The following COL21A1 variants were observed in gnomAD, a reference collection of about 807,000 sequenced individuals.
COL21A1 encodes collagen type XXI alpha 1 chain, also known as collagen alpha-1(XXI) chain.
In COL21A1, 149 loss-of-function variants were observed where a neutral mutation model predicts 137.9. That is an observed-to-expected ratio of 1.08 (90% CI 0.95 to 1.24). The LOEUF is 1.24. COL21A1 is among the 50% of genes most tolerant of loss of function. The probability of loss-of-function intolerance (pLI) is 0.00; values close to 1 mark genes in which losing one functional copy is unlikely to be tolerated. For synonymous variants in COL21A1, 456 were observed against 391.5 expected, an observed-to-expected ratio of 1.16 and a Z score of -1.95; for missense variants, 1,167 against 1,158.4, an observed-to-expected ratio of 1.01 and a Z score of -0.11.
At chr6:56,205,375 A>C (rs1779697773) in intron 1 of COL21A1, among the ~76,000 whole-genome samples, 1 of 152,168 alleles carries the variant, frequency 6.6e-6, no homozygotes, top group Non-Finnish European at 1.5e-5. Flanking sequence ...AAGAGGAAGA[A>C]AGGATATCAG....
At chr6:56,218,928 G>A (rs953993025) in intron 1 of COL21A1, among the ~76,000 whole-genome samples, 4 of 152,030 alleles carry the variant, frequency 2.6e-5, no homozygotes, top group African/African-American at 9.7e-5. Flanking sequence ...TACATGAGAA[G>A]TTGCTGAAGA....
At chr6:56,208,081 T>C (rs1779909930) in intron 1 of COL21A1, among the ~76,000 whole-genome samples, 1 of 152,150 alleles carries the variant, frequency 6.6e-6, no homozygotes, top group African/African-American at 2.4e-5. Context: ...AATGTTATAC[T>C]GAATGGGCAA....
At chr6:56,349,486 A>C (rs1034132317) in intron 1 of COL21A1, among the ~76,000 whole-genome samples, 3 of 152,236 alleles carry the variant, frequency 2.0e-5, no homozygotes, top group African/African-American at 4.8e-5. Flanking sequence ...TTTGACCAAA[A>C]AAATGAAGGA....
intron 10 of COL21A1, among the ~76,000 whole-genome samples, chr6:56,150,129 T>C (rs1362558413): frequency 2.6e-5 from 4 of 152,190 alleles, no homozygotes; most frequent in African/African-American, 9.7e-5. Flanking sequence ...CCACCTGTGA[T>C]GACCTCATAT....
intron 1 of COL21A1, among the ~76,000 whole-genome samples, chr6:56,238,105 T>C (rs1199694815): frequency 1.3e-5 from 2 of 152,084 alleles, no homozygotes; most frequent in Non-Finnish European, 2.9e-5. Context: ...TTACTGGGTA[T>C]GAAACAATCA....
At chr6:56,116,070 A>T (rs1771890752) in intron 16 of COL21A1, among the ~76,000 whole-genome samples, 1 of 152,112 alleles carries the variant, frequency 6.6e-6, no homozygotes, top group Non-Finnish European at 1.5e-5. Flanking sequence ...GGCCTTAAAG[A>T]TGAGGTAGAG....
intron 17 of COL21A1, among the ~76,000 whole-genome samples, chr6:56,098,916 C>G (rs935364035): frequency 6.7e-6 from 1 of 149,686 alleles, no homozygotes; most frequent in East Asian, 2.0e-4. Context: ...GGGGTTTCAC[C>G]GTGTTAGCCA....
At chr6:56,158,630 T>C (rs1187308601) in intron 9 of COL21A1, among the ~76,000 whole-genome samples, 3 of 152,040 alleles carry the variant, frequency 2.0e-5, no homozygotes, top group Non-Finnish European at 1.5e-5. Context: ...TACCCTGTGA[T>C]TAAGGGTACT....
intron 12 of COL21A1, among the ~76,000 whole-genome samples, chr6:56,137,389 G>GA (rs1774082308): frequency 6.6e-6 from 1 of 152,028 alleles, no homozygotes; most frequent in Non-Finnish European, 1.5e-5. Context: ...TTTCCTCTCA[G>GA]AAAAAATAAA....
chr6:56,330,624 C>G (rs919164868), intron 1 of COL21A1, among the ~76,000 whole-genome samples: 1 of 151,910 alleles, frequency 6.6e-6, no homozygotes, highest in Non-Finnish European at 1.5e-5. Flanking sequence ...AACATTGTAC[C>G]CAATAAGTAA....
chr6:56,181,228 T>A (rs1190934883), intron 2 of COL21A1, among the ~76,000 whole-genome samples: 1 of 152,164 alleles, frequency 6.6e-6, no homozygotes, highest in Non-Finnish European at 1.5e-5. Context: ...TCCAACAACC[T>A]CTGCCATGGC....
chr6:56,286,709 T>A (rs940777658), intron 1 of COL21A1, among the ~76,000 whole-genome samples: 4 of 152,174 alleles, frequency 2.6e-5, no homozygotes, highest in African/African-American at 9.7e-5. Flanking sequence ...TTTTTCCAAC[T>A]GAAAACTGTG....
chr6:56,098,618 TATATATAAATATATATATAA>T (rs1770037618), intron 17 of COL21A1, among the ~76,000 whole-genome samples: 1 of 14,290 alleles, frequency 7.0e-5, no homozygotes, highest in Non-Finnish European at 1.1e-4. Context: ...TATATATAAA[TATATATAAATATATATATAA>T]ATATATATAA....
chr6:56,163,472 A>G (rs1389168846), intron 9 of COL21A1, among the ~76,000 whole-genome samples: 1 of 152,158 alleles, frequency 6.6e-6, no homozygotes, highest in Non-Finnish European at 1.5e-5. Context: ...GCACTTTGGG[A>G]GGTGGAGGCG....
rs116194103 is a variant in COL21A1 at position 56,077,062 on chromosome 6, A to C, written c.1857+467T>G. On this transcript the variant is annotated intron_variant, in intron 18 of 29. Coordinates refer to ENST00000244728, the MANE Select transcript of COL21A1 (RefSeq NM_030820.4). Reference sequence around the variant, plus strand: ...AAAGTTAACAATGAAAGCCAAAAAAACCATAGAAGAAAATCTTCAATTTAC... The same window carrying C: ...AAAGTTAACAATGAAAGCCAAAAAACCCATAGAAGAAAATCTTCAATTTAC... Among the ~76,000 whole-genome samples the C allele has an allele frequency of 9.7e-3, 1,475 of 151,576 alleles. 24 individuals carry two copies. Among genetic ancestry groups the C allele is most frequent in the African/African-American group, 0.033 (1,386 of 41,472 alleles).
In COL21A1 at chr6:56,234,677, ACCT is replaced by A. The variant is rs1415956866; in HGVS notation, c.-39+12707_-39+12709del. Among the ~76,000 whole-genome samples, 13 of 151,618 alleles carry A rather than the reference ACCT, an allele frequency of 8.6e-5. No homozygotes were observed. The South Asian group carries it at 1.2e-3, about 15-fold the overall frequency. ...AGAAATGCTCACCTGAAGACTAATGACCTCCTCATTTCCCAATTCAATAGCTCC... is the reference window on the plus strand; with the variant it reads ...AGAAATGCTCACCTGAAGACTAATGACCTCATTTCCCAATTCAATAGCTCC... On this transcript the variant is annotated intron_variant, in intron 1 of 29. Coordinates refer to ENST00000244728, the MANE Select transcript of COL21A1 (RefSeq NM_030820.4).
rs141456092 is a variant in COL21A1, at chr6:56,221,169, G to A, written c.-39+26218C>T. Among the ~76,000 whole-genome samples the A allele has an allele frequency of 4.9e-3, 750 of 152,104 alleles. 3 individuals carry two copies. Among genetic ancestry groups the A allele is most frequent in the Non-Finnish European group, 8.4e-3 (572 of 67,992 alleles). ...AGCATCCTTCCACCCACCAGATGCT[G>A]GTAGCATCACCTCCAGCTGTGACAA... On this transcript the variant is annotated intron_variant, in intron 1 of 29. Coordinates refer to ENST00000244728, the MANE Select transcript of COL21A1 (RefSeq NM_030820.4).
At chr6:56,068,864 A>G in intron 22 of COL21A1, 182 bp downstream of exon 22, 1 of 515,730 alleles carries the variant, frequency 1.9e-6, no homozygotes, top group Non-Finnish European at 3.4e-6. Context: ...CCATGTGGGT[A>G]TATAAAAGAT....
intron 17 of COL21A1, among the ~76,000 whole-genome samples, chr6:56,094,693 T>C (rs1379807428): frequency 1.3e-5 from 2 of 152,178 alleles, no homozygotes; most frequent in African/African-American, 4.8e-5. Flanking sequence ...CACATATACA[T>C]GGCAGAGATT....
Sources: gnomAD v4.1 joint callset for allele counts (sites outside exome capture counted in the v4.1 genomes callset) on GRCh38, gnomAD v4.1.1 for gene constraint, MANE v1.5 for transcripts, NCBI Gene and HGNC (gene_info 2026-07-23, HGNC 2026-07-21) for gene names.